ABI3BP: variants seen among roughly 807,000 people sequenced by gnomAD.
The protein encoded by ABI3BP is ABI family member 3 binding protein, also known as target of Nesh-SH3.
In ABI3BP, 216 loss-of-function variants were observed where a neutral mutation model predicts 268.6. The ratio of observed to expected loss-of-function variants is 0.80; its 90% CI spans 0.72 to 0.90. The LOEUF is 0.90. Among genes scored for constraint, ABI3BP ranks in the 40% least tolerant of loss-of-function variants. The pLI, the probability that ABI3BP is intolerant of heterozygous loss-of-function variation, is 0.00. For synonymous variants in ABI3BP, 730 were observed against 730.0 expected (o/e 1.00, Z 0.00); for missense variants, 2,090 against 2,182.4 (o/e 0.96, Z 0.84).
At chr3:100,845,051 C>T (rs1304421607) in intron 20 of ABI3BP, among the ~76,000 whole-genome samples, 1 of 152,062 alleles carries the variant, frequency 6.6e-6, no homozygotes, top group African/African-American at 2.4e-5. Flanking sequence ...TTGACTATTT[C>T]CAATTTTATG....
chr3:100,911,719 C>T (rs1320357969), intron 2 of ABI3BP: 2 of 813,040 alleles, frequency 2.5e-6, no homozygotes, highest in East Asian at 2.4e-5. Context: ...TGAAAAAGTC[C>T]TCTTTGAGGT....
In ABI3BP at chr3:100,787,797, T is replaced by G. The variant is rs72930686; in HGVS notation, c.4093A>C (p.Asn1365His). The G allele has an allele frequency of 2.6e-6, 4 of 1,521,554 alleles. No homozygotes were observed. The highest frequency in any genetic ancestry group is 3.5e-6 in the Non-Finnish European group (4 of 1,141,226). 94.3% of individuals were successfully genotyped at this position (1,521,554 alleles called of 1,614,324 possible). A position where few individuals can be genotyped will look rare whatever the true frequency, so the allele number is the denominator to read the frequency against. ...SDKPHIRPVL[N>H]RTTTRPTRPK... ...CTAGTAGGTCTTGTAGTTGTCCTATTCAGAACTAAAATAAAGTGGGATATA... is the reference window on the plus strand; with the variant it reads ...CTAGTAGGTCTTGTAGTTGTCCTATGCAGAACTAAAATAAAGTGGGATATA... The change falls in exon 57 of 68, where the codon AAT (asparagine) becomes CAT (histidine). Residue 1365 changes from asparagine to histidine, a missense_variant. Asn to His is a moderately conservative substitution (Grantham distance 68). Coordinates refer to ENST00000471714, the MANE Select transcript of ABI3BP (RefSeq NM_001375547.2).
chr3:100,792,720 C>G lies in ABI3BP; in HGVS notation c.3995G>C (p.Arg1332Pro). The change falls in exon 55 of 68, where the codon CGA becomes CCA. Residue 1332 changes from arginine to proline, a missense_variant. Transcript: ENST00000471714. ...AGTTGTCTTTGCTAGTTCAGTTGTT[C>G]GTGGAATCTTAGTTGTGAAAGGTTC... ...TQEPFTTKIP[R>P]TTELAKTTQA... is the part of the protein sequence containing the mutation. The G allele has an allele frequency of 6.2e-7, 1 of 1,611,496 alleles. No homozygotes were observed.
chr3:100,921,300 C>T (rs1171808329), intron 2 of ABI3BP, among the ~76,000 whole-genome samples: 1 of 152,144 alleles, frequency 6.6e-6, no homozygotes, highest in Non-Finnish European at 1.5e-5. Flanking sequence ...CAACGTGCAC[C>T]ACATAACTGT....
At chr3:100,784,122 A>G (rs1369704370) in intron 57 of ABI3BP, among the ~76,000 whole-genome samples, 1 of 152,246 alleles carries the variant, frequency 6.6e-6, no homozygotes, top group Non-Finnish European at 1.5e-5. Context: ...TGAGTGAAAT[A>G]ACATATAAAA....
At chr3:100,811,130 G>A (rs1040947493) in intron 48 of ABI3BP, 100 bp downstream of exon 48, 4 of 949,054 alleles carry the variant, frequency 4.2e-6, no homozygotes, top group Admixed American at 2.9e-5. Flanking sequence ...GAAGAGTGAC[G>A]GTGTAACATG....
chr3:100,810,526 C>G, intron 48 of ABI3BP, 49 bp from the exon 49 acceptor site: 1 of 1,310,340 alleles, frequency 7.6e-7, no homozygotes, highest in Non-Finnish European at 1.1e-6. Context: ...ACTTGACAGA[C>G]CTTGAGTACA....
chr3:100,970,461 A>G (rs551691166), intron 1 of ABI3BP, among the ~76,000 whole-genome samples: 1 of 152,330 alleles, frequency 6.6e-6, no homozygotes, highest in South Asian at 2.1e-4. Flanking sequence ...GAATAATGTG[A>G]CGTATAGAGA....
Position 100,874,880 on chromosome 3 carries a change from G to C in ABI3BP, c.871C>G (p.Leu291Val), listed in dbSNP as rs1253598689. 3.1e-6 allele frequency: 5 copies of C among 1,601,072 alleles called. No homozygotes were observed. Among genetic ancestry groups the C allele is most frequent in the Non-Finnish European group, 4.3e-6 (5 of 1,172,884 alleles). ...NETTVKLPAS[L>V]MFEISDALKT... ...AGTGCATCTGAAATCTCAAACATTA[G>C]GGATGCAGGAAGTTTTACAGTAGTT... The change falls in exon 9 of 68, where the codon CTA becomes GTA. Residue 291 changes from leucine to valine, a missense_variant. Transcript: ENST00000471714.
chr3:100,925,479 C>T (rs1472991568), intron 2 of ABI3BP, among the ~76,000 whole-genome samples: 4 of 151,950 alleles, frequency 2.6e-5, no homozygotes, highest in African/African-American at 9.7e-5. Context: ...GTGATGTTAT[C>T]ACGGCTCACT....
chr3:100,958,807 G>T (rs2153809171), intron 1 of ABI3BP, among the ~76,000 whole-genome samples: 1 of 152,294 alleles, frequency 6.6e-6, no homozygotes, highest in African/African-American at 2.4e-5. Context: ...TGGAAATGTA[G>T]ACTATCATTC....
chr3:100,948,951 TA>T (rs1561959093), intron 1 of ABI3BP, among the ~76,000 whole-genome samples: 1 of 152,186 alleles, frequency 6.6e-6, no homozygotes, highest in Non-Finnish European at 1.5e-5. Context: ...AGAATATTTT[TA>T]AAAAATTATT....
chr3:100,975,603 T>G (rs2085761211), intron 1 of ABI3BP, among the ~76,000 whole-genome samples: 1 of 152,158 alleles, frequency 6.6e-6, no homozygotes, highest in Non-Finnish European at 1.5e-5. Flanking sequence ...CCTGAATGTT[T>G]TGCTTGTTTA....
chr3:100,774,792 A>T (rs2096654194), intron 60 of ABI3BP, 119 bp from the exon 61 acceptor site: 1 of 798,672 alleles, frequency 1.3e-6, no homozygotes, highest in Non-Finnish European at 1.9e-6. Flanking sequence ...TGCAGTTTTG[A>T]TTTTTTAAAA....
chr3:100,881,663 G>C (rs2039332065), intron 6 of ABI3BP, among the ~76,000 whole-genome samples: 1 of 98,092 alleles, frequency 1.0e-5, no homozygotes, highest in South Asian at 3.2e-4. Context: ...GAGTGTCCTA[G>C]ATTCTCTAAA....
At chr3:100,925,176 A>G (rs1184293314) in intron 2 of ABI3BP, among the ~76,000 whole-genome samples, 3 of 152,164 alleles carry the variant, frequency 2.0e-5, no homozygotes. Context: ...GAAGTCCAAC[A>G]GAGACGTCTG....
chr3:100,884,097 A>G (rs62277106), intron 6 of ABI3BP, among the ~76,000 whole-genome samples: 2,999 of 152,194 alleles, frequency 0.02, 122 homozygotes, highest in Admixed American at 0.11. Context: ...AAAACAAAAG[A>G]TGTTCTAAAG....
intron 63 of ABI3BP, among the ~76,000 whole-genome samples, chr3:100,756,776 G>GTTTT (rs66981610): frequency 5.4e-5 from 7 of 130,654 alleles, no homozygotes; most frequent in African/African-American, 1.1e-4. Context: ...TACTTTTTGG[G>GTTTT]TTTTTTTTTT....
At chr3:100,966,833 A>G (rs1015482108) in intron 1 of ABI3BP, among the ~76,000 whole-genome samples, 1 of 152,176 alleles carries the variant, frequency 6.6e-6, no homozygotes, top group Non-Finnish European at 1.5e-5. Context: ...AGGAGACTAC[A>G]TGCTACATCT....
Sources: gnomAD v4.1 joint callset for allele counts (sites outside exome capture counted in the v4.1 genomes callset) on GRCh38, gnomAD v4.1.1 for gene constraint, MANE v1.5 for transcripts, NCBI Gene and HGNC (gene_info 2026-07-23, HGNC 2026-07-21) for gene names.